The following ROR1 variants were observed in gnomAD, a reference collection of about 807,000 sequenced individuals.
ROR1 encodes ROR family WNT receptor 1.
A neutral mutation model predicts 78.8 loss-of-function variants in ROR1; 19 were observed. That is an observed-to-expected ratio of 0.24 (90% CI 0.17 to 0.35). The LOEUF (loss-of-function observed/expected upper bound fraction) is 0.35. Ranked by LOEUF, ROR1 falls within the 10% of genes least tolerant of loss-of-function variation. The pLI, the probability that ROR1 is intolerant of heterozygous loss-of-function variation, is 1.00. For missense variants in ROR1, 917 were observed against 1,177.8 expected, an observed-to-expected ratio of 0.78 and a Z score of 3.24; for synonymous variants, 386 against 433.6, an observed-to-expected ratio of 0.89 and a Z score of 1.36.
At chr1:64,102,067 A>C (rs1213565309) in intron 4 of ROR1, among the ~76,000 whole-genome samples, 1 of 152,184 alleles carries the variant, frequency 6.6e-6, no homozygotes, top group East Asian at 1.9e-4. Context: ...TGAGAAAAAG[A>C]AGGTCCTGCT....
intron 1 of ROR1, among the ~76,000 whole-genome samples, chr1:63,888,930 A>G (rs1235077854): frequency 2.0e-5 from 3 of 152,132 alleles, no homozygotes; most frequent in African/African-American, 4.8e-5. Flanking sequence ...ATAAAAGTTC[A>G]TTATCTCATA....
At chr1:64,102,551 T>C (rs17265922) in intron 4 of ROR1, among the ~76,000 whole-genome samples, 20,561 of 152,098 alleles carry the variant, frequency 0.14, 1,585 homozygotes, top group African/African-American at 0.19. Flanking sequence ...TATTCACCTG[T>C]CTTTTATAAA....
intron 1 of ROR1, among the ~76,000 whole-genome samples, chr1:63,833,784 G>A (rs762302059): frequency 2.7e-4 from 41 of 149,276 alleles, no homozygotes; most frequent in Non-Finnish European, 2.5e-4. Flanking sequence ...GCCTGCTTGC[G>A]TTTTTTTTTC....
At chr1:64,003,466 A>T (rs1042554645) in intron 1 of ROR1, among the ~76,000 whole-genome samples, 1 of 152,186 alleles carries the variant, frequency 6.6e-6, no homozygotes, top group Admixed American at 6.5e-5. Flanking sequence ...TAGAGATTGC[A>T]TCAGAAATCC....
chr1:64,078,024 A>G (rs1355008329), intron 4 of ROR1, among the ~76,000 whole-genome samples: 1 of 152,200 alleles, frequency 6.6e-6, no homozygotes, highest in African/African-American at 2.4e-5. Flanking sequence ...GCTAAGACAA[A>G]TAGAACATAA....
intron 1 of ROR1, among the ~76,000 whole-genome samples, chr1:63,912,352 G>A (rs1358344187): frequency 6.6e-6 from 1 of 151,650 alleles, no homozygotes; most frequent in Non-Finnish European, 1.5e-5. Flanking sequence ...TACTCTCAGG[G>A]TTTCATACTC....
intron 1 of ROR1, among the ~76,000 whole-genome samples, chr1:63,831,410 A>G (rs955220064): frequency 1.3e-5 from 2 of 152,226 alleles, no homozygotes; most frequent in African/African-American, 4.8e-5. Flanking sequence ...TCTGAAGCTC[A>G]ACTTTTGTCT....
chr1:63,825,590 G>C (rs554592905), intron 1 of ROR1, among the ~76,000 whole-genome samples: 5 of 152,190 alleles, frequency 3.3e-5, no homozygotes, highest in Non-Finnish European at 7.3e-5. Context: ...TTTAAAAGTC[G>C]AATGTGGTGA....
chr1:63,985,136 T>A (rs1646240734), intron 1 of ROR1, among the ~76,000 whole-genome samples: 1 of 152,156 alleles, frequency 6.6e-6, no homozygotes, highest in African/African-American at 2.4e-5. Flanking sequence ...TTCTCCTGAG[T>A]AGTTCCCAGT....
intron 7 of ROR1, among the ~76,000 whole-genome samples, chr1:64,144,557 T>C (rs904287034): frequency 5.3e-5 from 8 of 152,240 alleles, no homozygotes; most frequent in Non-Finnish European, 1.0e-4. Flanking sequence ...TGCCAGATCC[T>C]ATGTGAGACA....
rs557274551 is a variant in ROR1, at chr1:63,891,810, A to G, written c.91+117302A>G. On this transcript the variant is annotated intron_variant, in intron 1 of 8. Transcript: ENST00000371079. ...TGGGCCTTTGGACGCTGGGACTTAC[A>G]CCTGTGCTACCCTAATCCTGGTTCT... Among the ~76,000 whole-genome samples the G allele has an allele frequency of 8.9e-4, 136 of 152,168 alleles. 2 individuals are homozygous for G. The highest frequency in any genetic ancestry group is 1.5e-4 in the Non-Finnish European group (10 of 68,002).
chr1:64,153,836 A>G lies in ROR1; in HGVS notation c.1175-5145A>G, dbSNP rs1649697200. Among the ~76,000 whole-genome samples, 4 of 152,204 alleles carry G rather than the reference A, an allele frequency of 2.6e-5. No homozygotes were observed. The South Asian group carries it at 8.3e-4, about 32-fold the overall frequency. On this transcript the variant is annotated intron_variant, in intron 7 of 8. Transcript: ENST00000371079. ...TGGAGATTGGTTGCACAACAAGAAT[A>G]AATATATGTAACATTATTGAAATGT...
chr1:63,980,935 G>A (rs1235138667), intron 1 of ROR1, among the ~76,000 whole-genome samples: 1 of 152,248 alleles, frequency 6.6e-6, no homozygotes, highest in East Asian at 1.9e-4. Flanking sequence ...AGACGGAAAA[G>A]CTCCATAAAG....
chr1:64,067,057 G>A (rs1164060881), intron 4 of ROR1, among the ~76,000 whole-genome samples: 1 of 151,824 alleles, frequency 6.6e-6, no homozygotes, highest in Non-Finnish European at 1.5e-5. Context: ...AATTTTCATG[G>A]AAATACTTGA....
intron 8 of ROR1, among the ~76,000 whole-genome samples, chr1:64,167,695 A>G (rs1650122533): frequency 6.6e-6 from 1 of 152,222 alleles, no homozygotes; most frequent in East Asian, 1.9e-4. Context: ...AAGTCTAGGT[A>G]CTAAGAAATC....
chr1:64,069,030 C>A (rs888270835), intron 4 of ROR1, among the ~76,000 whole-genome samples: 2 of 152,034 alleles, frequency 1.3e-5, no homozygotes, highest in African/African-American at 4.8e-5. Flanking sequence ...ATCTCTGTAT[C>A]TGAAAGTGGT....
chr1:63,836,202 G>A (rs778177377), intron 1 of ROR1, among the ~76,000 whole-genome samples: 15 of 152,134 alleles, frequency 9.9e-5, no homozygotes, highest in Non-Finnish European at 2.2e-4. Context: ...TTGAATCCAG[G>A]TTTGCCTGAT....
At chr1:63,897,168 G>A (rs1402980004) in intron 1 of ROR1, among the ~76,000 whole-genome samples, 5 of 152,010 alleles carry the variant, frequency 3.3e-5, no homozygotes, top group African/African-American at 4.8e-5. Flanking sequence ...CCCTTCCCCT[G>A]GATAGAAATT....
At chr1:64,052,005 A>G (rs1405252807) in intron 4 of ROR1, among the ~76,000 whole-genome samples, 1 of 152,256 alleles carries the variant, frequency 6.6e-6, no homozygotes, top group South Asian at 2.1e-4. Context: ...AAAAATAAAC[A>G]TTGGCCTTCA....
Sources: gnomAD v4.1 joint callset for allele counts (sites outside exome capture counted in the v4.1 genomes callset) on GRCh38, gnomAD v4.1.1 for gene constraint, MANE v1.5 for transcripts, NCBI Gene and HGNC (gene_info 2026-07-23, HGNC 2026-07-21) for gene names.